Variants in TNRC6C observed in about 807,000 individuals in gnomAD.
TNRC6C encodes trinucleotide repeat-containing gene 6C protein.
In TNRC6C, 20 loss-of-function variants were observed where a neutral mutation model predicts 153.7. That is an observed-to-expected ratio of 0.13 (90% CI 0.09 to 0.19). TNRC6C has a LOEUF of 0.19. Ranked by LOEUF, TNRC6C falls within the 10% of genes least tolerant of loss-of-function variation. The probability of loss-of-function intolerance (pLI) is 1.00; values close to 1 mark genes in which losing one functional copy is unlikely to be tolerated. For synonymous variants in TNRC6C, 811 were observed against 841.4 expected, an observed-to-expected ratio of 0.96 and a Z score of 0.63; for missense variants, 1,987 against 2,172.0, an observed-to-expected ratio of 0.91 and a Z score of 1.69.
intron 15 of TNRC6C, 87 bp from the exon 18 acceptor site, chr17:78,093,533 C>T (rs994969488): frequency 1.2e-4 from 184 of 1,510,284 alleles, no homozygotes; most frequent in Middle Eastern, 1.7e-4. Flanking sequence ...AAAATTTCTA[C>T]AAACAGGACA....
At chr17:77,964,823 C>T (rs879926300) in intron 1 of TNRC6C, among the ~76,000 whole-genome samples, 24 of 152,034 alleles carry the variant, frequency 1.6e-4, no homozygotes, top group Non-Finnish European at 2.6e-4. Context: ...GAGTGAGGGG[C>T]CCAGAGTGTA....
At chr17:78,003,287 C>T (rs1049406164), upstream of TNRC6C, among the ~76,000 whole-genome samples, 4 of 152,056 alleles carry the variant, frequency 2.6e-5, no homozygotes, top group East Asian at 3.9e-4. Flanking sequence ...CCAAGGGTTA[C>T]TACAGAGTTG....
At chr17:78,021,941 T>A (rs188425614) in intron 1 of TNRC6C, among the ~76,000 whole-genome samples, 2 of 152,338 alleles carry the variant, frequency 1.3e-5, no homozygotes, top group African/African-American at 4.8e-5. Flanking sequence ...TACCAGGATT[T>A]TTCCTCTGGA....
chr17:77,960,981 A>G (rs1220349179), intron 1 of TNRC6C, among the ~76,000 whole-genome samples: 2 of 152,136 alleles, frequency 1.3e-5, no homozygotes, highest in African/African-American at 4.8e-5. Context: ...CAGATTTCTC[A>G]TGACCTGACC....
chr17:78,079,770 G>A lies in TNRC6C; in HGVS notation c.3357+229G>A, dbSNP rs1329446786. ...AGAGCTTGCTCCTTGGAATGCCTCA[G>A]CCACCGAAACTAGCATTTGGCATCT... is the stretch of plus-strand genomic sequence containing the variant. On this transcript the variant is annotated intron_variant, in intron 10 of 19. Coordinates refer to ENST00000301624, the Ensembl canonical transcript of TNRC6C. This position sits in a 1 kb window ranked among gnomAD's most constrained non-coding sequence, Gnocchi z 4.3. Among the ~76,000 whole-genome samples the A allele has an allele frequency of 6.6e-6, 1 of 152,176 alleles. No individual in the cohort carries two copies. The highest frequency in any genetic ancestry group is 2.4e-5 in the African/African-American group (1 of 41,434).
At chr17:78,004,145 T>C, upstream of TNRC6C, 4 of 1,231,770 alleles carry the variant, frequency 3.2e-6, no homozygotes, top group Admixed American at 4.2e-5. Flanking sequence ...ATCAAACTTA[T>C]ACTAGTTTTC....
In TNRC6C at chr17:78,085,728, G is replaced by A. The variant is rs58872473; in HGVS notation, c.3478-775G>A. ...CCCATGATGTTAGGGAGATAACCAC[G>A]TTGTTTAACACACATTATTATTGAA... On this transcript the variant is annotated intron_variant, in intron 11 of 19. Transcript: ENST00000301624. 9.5e-3 allele frequency among the ~76,000 whole-genome samples: 1,446 copies of A among 152,158 alleles called. 25 individuals carry two copies. The highest frequency in any genetic ancestry group is 0.032 in the African/African-American group (1,342 of 41,522).
At chr17:78,064,746 C>T in exon 4 of TNRC6C, 22 of 1,613,762 alleles carry the variant, frequency 1.4e-5, no homozygotes, top group Non-Finnish European at 1.8e-5. Flanking sequence ...GGAGAAATGC[C>T]TAATGTTCAC....
intron 1 of TNRC6C, among the ~76,000 whole-genome samples, chr17:78,023,344 C>T (rs1231477910): frequency 1.3e-5 from 2 of 152,160 alleles, no homozygotes; most frequent in Non-Finnish European, 2.9e-5. Flanking sequence ...AAAAGAGAAA[C>T]TGGGTTTTTC....
intron 1 of TNRC6C, among the ~76,000 whole-genome samples, chr17:77,960,840 G>T (rs2070855973): frequency 6.6e-6 from 1 of 152,164 alleles, no homozygotes; most frequent in African/African-American, 2.4e-5. Context: ...AATTAATTTT[G>T]TGTGTATTAA....
At position 78,062,429 on chromosome 17, in the gene TNRC6C, C is replaced by A. The variant is rs139425192; in HGVS notation, c.2396-2293C>A. 1.7e-3 allele frequency among the ~76,000 whole-genome samples: 265 copies of A among 152,180 alleles called. 1 individual carries two copies. Among genetic ancestry groups the A allele is most frequent in the African/African-American group, 5.9e-3 (243 of 41,496 alleles). On this transcript the variant is annotated intron_variant, in intron 3 of 19. Transcript: ENST00000301624. ...ATTTTGTAATTGATATTGTAATATCCATGTTGAGGCCAAACAATGTAAAAT... is the reference window on the plus strand; with the variant it reads ...ATTTTGTAATTGATATTGTAATATCAATGTTGAGGCCAAACAATGTAAAAT...
Position 78,104,878 on chromosome 17 carries a change from C to G in TNRC6C, c.*33C>G. ...CATCATCAGCACCAGGAGAGCCGAC[C>G]CCTCCCGGGACCCCTCCCGGCTGGG... On this transcript the variant is annotated 3_prime_UTR_variant, in exon 20 of 20. Transcript: ENST00000301624. This position sits in a 1 kb window ranked among gnomAD's most constrained non-coding sequence, Gnocchi z 6.2. 7.2e-7 allele frequency: 1 copy of G among 1,389,304 alleles called. No individual in the cohort carries two copies. The highest frequency in any genetic ancestry group is 9.3e-7 in the Non-Finnish European group (1 of 1,075,626). The allele number at this position is 1,389,304 out of a possible 1,614,324, so 86.1% of individuals were successfully genotyped here.
intron 1 of TNRC6C, among the ~76,000 whole-genome samples, chr17:78,016,515 C>G (rs1408651888): frequency 6.6e-6 from 1 of 152,204 alleles, no homozygotes; most frequent in Non-Finnish European, 1.5e-5. Context: ...GATGGCTGTT[C>G]ATTAACATTC....
At chr17:77,964,617 C>T (rs1034080062) in intron 1 of TNRC6C, among the ~76,000 whole-genome samples, 2 of 152,120 alleles carry the variant, frequency 1.3e-5, no homozygotes, top group African/African-American at 4.8e-5. Context: ...TTTTAGGAAG[C>T]AGGGAAAATC....
At chr17:78,086,380 T>A in intron 11 of TNRC6C, 123 bp from the exon 14 acceptor site, 3 of 511,540 alleles carry the variant, frequency 5.9e-6, no homozygotes, top group Non-Finnish European at 6.9e-6. Context: ...TCAGCCACAG[T>A]ATGGGCCAAG....
At chr17:77,993,128 AT>A (rs1358920797) in intron 1 of TNRC6C, among the ~76,000 whole-genome samples, 1 of 151,992 alleles carries the variant, frequency 6.6e-6, no homozygotes, top group Non-Finnish European at 1.5e-5. Context: ...TGCCCAGCTA[AT>A]TTTTGTATAT....
At chr17:77,961,024 C>T (rs1430037483) in intron 1 of TNRC6C, among the ~76,000 whole-genome samples, 1 of 152,086 alleles carries the variant, frequency 6.6e-6, no homozygotes, top group African/African-American at 2.4e-5. Context: ...AAATTGATAG[C>T]TCAGAAAACG....
intron 1 of TNRC6C, among the ~76,000 whole-genome samples, chr17:77,974,078 GAA>G (rs377587826): frequency 1.3e-5 from 2 of 150,842 alleles, no homozygotes; most frequent in East Asian, 1.9e-4. Context: ...GAGAGAGAGA[GAA>G]AGAAAGAAAA....
intron 1 of TNRC6C, among the ~76,000 whole-genome samples, chr17:78,013,307 G>T (rs2143411382): frequency 6.6e-6 from 1 of 152,264 alleles, no homozygotes; most frequent in Non-Finnish European, 1.5e-5. Flanking sequence ...CTGCAGAATT[G>T]AAGACGAATT....
Sources: allele counts gnomAD v4.1 joint callset (sites outside exome capture counted in the v4.1 genomes callset), GRCh38; gene constraint gnomAD v4.1.1; non-coding constraint Gnocchi (gnomAD v3.1); transcripts MANE v1.5; gene names NCBI Gene and HGNC (gene_info 2026-07-23, HGNC 2026-07-21).